Variants in RC3H2 observed in about 807,000 individuals in gnomAD.
RC3H2 encodes the protein roquin-2.
Under a neutral mutation model 133.3 loss-of-function variants are expected in RC3H2, and 31 were observed. That is an observed-to-expected ratio of 0.23 (90% CI 0.17 to 0.31). The LOEUF is 0.31. Ranked by LOEUF, RC3H2 falls within the 10% of genes least tolerant of loss-of-function variation. The pLI, the probability that RC3H2 is intolerant of heterozygous loss-of-function variation, is 1.00. For missense variants in RC3H2, 1,175 were observed against 1,437.2 expected, an observed-to-expected ratio of 0.82 and a Z score of 2.95; for synonymous variants, 517 against 502.2, an observed-to-expected ratio of 1.03 and a Z score of -0.40.
intron 18 of RC3H2, among the ~76,000 whole-genome samples, chr9:122,853,170 A>G (rs1446021764): frequency 5.3e-5 from 8 of 151,922 alleles, no homozygotes; most frequent in Non-Finnish European, 1.0e-4. Context: ...TGTTAAACAG[A>G]TGCTTGAAGG....
At position 122,863,742 on chromosome 9, in the gene RC3H2, C is replaced by CT. The variant is rs773646893; in HGVS notation, c.1634+1606dup. On this transcript the variant is annotated intron_variant, in intron 10 of 20. Coordinates refer to ENST00000357244, the MANE Select transcript of RC3H2 (RefSeq NM_001100588.3). ...TTGCCCAGGGAAGATTGTAAAAGTC[C>CT]TTTTTTTTTTTGAGATGGAGTCTCA... Among the ~76,000 whole-genome samples the CT allele has an allele frequency of 7.2e-4, 106 of 146,748 alleles. 1 individual carries two copies. Among genetic ancestry groups the CT allele is most frequent in the Middle Eastern group, 3.7e-3 (1 of 270 alleles).
chr9:122,896,934 G>C (rs142378888), intron 2 of RC3H2, among the ~76,000 whole-genome samples: 8 of 147,748 alleles, frequency 5.4e-5, no homozygotes, highest in Non-Finnish European at 1.0e-4. Context: ...GCTGAAGCAG[G>C]AGAATCGCTT....
In RC3H2 at chr9:122,859,960, T is replaced by C; in HGVS notation, c.1806A>G (p.Pro602=). ...HSENIQYFQD[P]RTQIPFEVPQ... ...GGACTTCAAAGGGTATCTGAGTCCT[T>C]GGATCTTGAAAATACTGAATGTTTT... Residue 602 remains proline, a synonymous_variant, in exon 11 of 21, where the codon CCA becomes CCG. Transcript: ENST00000357244. The C allele has an allele frequency of 6.2e-7, 1 of 1,614,186 alleles. No individual in the cohort carries two copies. The highest frequency in any genetic ancestry group is 8.5e-7 in the Non-Finnish European group (1 of 1,179,998).
intron 1 of RC3H2, among the ~76,000 whole-genome samples, chr9:122,900,755 A>G (rs1432521918): frequency 6.6e-6 from 1 of 151,338 alleles, no homozygotes; most frequent in Non-Finnish European, 1.5e-5. Context: ...ATGGACTAAA[A>G]GGCCTACAAC....
Position 122,905,113 on chromosome 9 carries a change from AG to A in RC3H2, c.-72del. 2.0e-6 allele frequency: 2 copies of A among 985,248 alleles called. No homozygotes were observed. Among genetic ancestry groups the A allele is most frequent in the Non-Finnish European group, 2.4e-6 (2 of 829,868 alleles). 61.0% of individuals were successfully genotyped at this position (985,248 alleles called of 1,614,324 possible). On this transcript the variant is annotated 5_prime_UTR_variant, in exon 1 of 21. Transcript: ENST00000357244. ...ATCGTGCCCGCCCCCGCCCTACCTGAGGGGGCCCGGGCGGGGTCGCTAAGGG... is the reference window on the plus strand; with the variant it reads ...ATCGTGCCCGCCCCCGCCCTACCTGAGGGGCCCGGGCGGGGTCGCTAAGGG...
At chr9:122,851,055 T>G in intron 20 of RC3H2, 26 bp downstream of exon 20, 1 of 1,613,030 alleles carries the variant, frequency 6.2e-7, no homozygotes, top group South Asian at 1.1e-5. Flanking sequence ...TGCCCACTGT[T>G]TATGAATTTT....
chr9:122,864,497 A>G (rs1027198625), intron 10 of RC3H2, among the ~76,000 whole-genome samples: 1 of 152,326 alleles, frequency 6.6e-6, no homozygotes, highest in Non-Finnish European at 1.5e-5. Flanking sequence ...TGACACCATT[A>G]TAATTCTAGT....
chr9:122,896,516 T>C (rs1160868496), intron 2 of RC3H2, among the ~76,000 whole-genome samples: 1 of 152,206 alleles, frequency 6.6e-6, no homozygotes, highest in African/African-American at 2.4e-5. Flanking sequence ...GTAACTATAA[T>C]GTAATCTAAG....
At chr9:122,852,388 C>A (rs1830071452) in intron 18 of RC3H2, among the ~76,000 whole-genome samples, 1 of 151,358 alleles carries the variant, frequency 6.6e-6, no homozygotes, top group African/African-American at 2.4e-5. Context: ...CGGCAGCCGC[C>A]CCGTCCGGGA....
At chr9:122,892,527 T>A (rs537816475) in intron 3 of RC3H2, among the ~76,000 whole-genome samples, 1 of 152,186 alleles carries the variant, frequency 6.6e-6, no homozygotes, top group East Asian at 1.9e-4. Flanking sequence ...TTCTCCTGCC[T>A]CAGCCTCCGG....
At position 122,847,852 on chromosome 9, in the gene RC3H2, T is replaced by C. The variant is rs1829902792; in HGVS notation, c.*1775A>G. On this transcript the variant is annotated 3_prime_UTR_variant, in exon 21 of 21. Coordinates refer to ENST00000357244, the MANE Select transcript of RC3H2 (RefSeq NM_001100588.3). ...CATCTTCATACATTTGAGTATTAAA[T>C]AAATGTGTAAGATCTTCCATACTGA... is the stretch of plus-strand genomic sequence containing the variant. 1 of 152,162 alleles carries C rather than the reference T, an allele frequency of 6.6e-6. No individual in the cohort carries two copies. Among genetic ancestry groups the C allele is most frequent in the Non-Finnish European group, 1.5e-5 (1 of 67,994 alleles). 9.4% of individuals were successfully genotyped at this position (152,162 alleles called of 1,614,324 possible). A position where few individuals can be genotyped will look rare whatever the true frequency, so the allele number is the denominator to read the frequency against.
At chr9:122,891,468 A>G (rs966996019) in intron 3 of RC3H2, among the ~76,000 whole-genome samples, 3 of 152,136 alleles carry the variant, frequency 2.0e-5, no homozygotes, top group Non-Finnish European at 4.4e-5. Flanking sequence ...TTGTTTCACA[A>G]TCTCTGAAAC....
chr9:122,854,486 C>G (rs753945334), intron 16 of RC3H2, 45 bp downstream of exon 16: 3 of 1,445,052 alleles, frequency 2.1e-6, no homozygotes, highest in Non-Finnish European at 2.9e-6. Context: ...AAGATACATA[C>G]AAGTCTGAGA....
At chr9:122,850,957 T>C in intron 20 of RC3H2, 124 bp downstream of exon 20, 1 of 1,021,194 alleles carries the variant, frequency 9.8e-7, no homozygotes. Flanking sequence ...AAATCCAGAT[T>C]GACCAAATCA....
chr9:122,854,081 C>T lies in RC3H2; in HGVS notation c.2988G>A (p.Lys996=). The change falls in exon 18 of 21, where the codon AAG becomes AAA. Residue 996 remains lysine, a synonymous_variant. Transcript: ENST00000357244. ...CTCTCTGAAGAAGTAATGAGTTGCTCTTGGCCTATATGAGGAGGGAAAAAA... is the reference window on the plus strand; with the variant it reads ...CTCTCTGAAGAAGTAATGAGTTGCTTTTGGCCTATATGAGGAGGGAAAAAA... ...DLLSLELQQA[K]SNSLLLQREA... The T allele has an allele frequency of 1.2e-6, 2 of 1,613,862 alleles. No individual in the cohort carries two copies. Among genetic ancestry groups the T allele is most frequent in the Non-Finnish European group, 1.7e-6 (2 of 1,180,014 alleles).
chr9:122,880,681 T>G lies in RC3H2; in HGVS notation c.873A>C (p.Ala291=). Residue 291 remains alanine, a synonymous_variant, in exon 6 of 21, where the codon GCA becomes GCC. Transcript: ENST00000357244. ...DAQIVHIAME[A]GLRISPEQWS... is the part of the protein sequence containing the mutation. Reference sequence around the variant, plus strand: ...ACTGTTCAGGTGAAATACGGAGTCCTGCTTCCATGGCAATATGAACAATTT... The same window carrying G: ...ACTGTTCAGGTGAAATACGGAGTCCGGCTTCCATGGCAATATGAACAATTT... 1.2e-6 allele frequency: 2 copies of G among 1,614,172 alleles called. No individual in the cohort carries two copies. The highest frequency in any genetic ancestry group is 1.6e-4 in the Middle Eastern group (1 of 6,062).
At chr9:122,852,053 A>T (rs897595295) in intron 18 of RC3H2, among the ~76,000 whole-genome samples, 3 of 147,064 alleles carry the variant, frequency 2.0e-5, no homozygotes, top group African/African-American at 7.7e-5. Context: ...GGAAGTGAGG[A>T]GCGCCTCTTC....
In RC3H2 at chr9:122,854,728, T is replaced by C. The variant is rs886774622; in HGVS notation, c.2816-113A>G. On this transcript the variant is annotated intron_variant, in intron 15 of 20. Transcript: ENST00000357244. ...TTTTATCCCACTAGCCATATGATGC[T>C]GGTTAAACACCTAATTCTGAGTTTC... 2.5e-5 allele frequency: 18 copies of C among 721,412 alleles called. No homozygotes were observed. In the Admixed American group the frequency reaches 2.7e-4, roughly 11 times the overall value. 44.7% of individuals were successfully genotyped at this position (721,412 alleles called of 1,614,324 possible). A position where few individuals can be genotyped will look rare whatever the true frequency, so the allele number is the denominator to read the frequency against.
chr9:122,883,210 A>G lies in RC3H2; in HGVS notation c.753T>C (p.Cys251=). 1 of 1,610,932 alleles carries G rather than the reference A, an allele frequency of 6.2e-7. No individual in the cohort carries two copies. Among genetic ancestry groups the G allele is most frequent in the Non-Finnish European group, 8.5e-7 (1 of 1,179,280 alleles). The change falls in exon 5 of 21, where the codon TGT becomes TGC. Residue 251 remains cysteine, a synonymous_variant. Coordinates refer to ENST00000357244, the MANE Select transcript of RC3H2 (RefSeq NM_001100588.3). ...HVVQLLYRAS[C]FKVTKRDEDS... Reference sequence around the variant, plus strand: ...ATAGATACTTACTGCTTACCTTAAAACAAGAAGCTCGATACAGTAGTTGCA... The same window carrying G: ...ATAGATACTTACTGCTTACCTTAAAGCAAGAAGCTCGATACAGTAGTTGCA...
Sources: gnomAD v4.1 joint callset for allele counts (sites outside exome capture counted in the v4.1 genomes callset) on GRCh38, gnomAD v4.1.1 for gene constraint, MANE v1.5 for transcripts, NCBI Gene and HGNC (gene_info 2026-07-23, HGNC 2026-07-21) for gene names.